Variants in MAP4K3 observed in about 807,000 individuals in gnomAD.
MAP4K3 encodes the protein mitogen-activated protein kinase kinase kinase kinase 3.
Under a neutral mutation model 143.5 loss-of-function variants are expected in MAP4K3, and 94 were observed. The ratio of observed to expected loss-of-function variants is 0.65; its 90% CI spans 0.55 to 0.78. The LOEUF (loss-of-function observed/expected upper bound fraction) is 0.78, where lower values mean the gene tolerates loss of function less well. Among genes scored for constraint, MAP4K3 ranks in the 30% least tolerant of loss-of-function variants. The probability of loss-of-function intolerance (pLI) is 0.00; values close to 1 mark genes in which losing one functional copy is unlikely to be tolerated. For missense variants in MAP4K3, 1,077 were observed against 1,068.1 expected, an observed-to-expected ratio of 1.01 and a Z score of -0.12; for synonymous variants, 416 against 347.2, an observed-to-expected ratio of 1.20 and a Z score of -2.20.
intron 1 of MAP4K3, among the ~76,000 whole-genome samples, chr2:39,429,535 A>G (rs888627722): frequency 4.6e-5 from 7 of 152,200 alleles, no homozygotes; most frequent in Non-Finnish European, 1.0e-4. Flanking sequence ...TGTGCCAACT[A>G]ATTTCCTCGT....
chr2:39,277,713 G>A (rs1272767520), intron 24 of MAP4K3, among the ~76,000 whole-genome samples: 1 of 151,874 alleles, frequency 6.6e-6, no homozygotes, highest in Non-Finnish European at 1.5e-5. Context: ...TATAGGCACA[G>A]GCCACCATGC....
chr2:39,329,854 T>C (rs1430980744), intron 8 of MAP4K3, among the ~76,000 whole-genome samples: 1 of 151,972 alleles, frequency 6.6e-6, no homozygotes, highest in Non-Finnish European at 1.5e-5. Flanking sequence ...ACAAAAAGAG[T>C]TATGAACCAG....
At chr2:39,391,380 A>AGAG (rs1189083203) in intron 1 of MAP4K3, among the ~76,000 whole-genome samples, 1 of 149,232 alleles carries the variant, frequency 6.7e-6, no homozygotes, top group African/African-American at 2.5e-5. Flanking sequence ...AAAAAAAAAA[A>AGAG]AGAAAGAAAG....
intron 2 of MAP4K3, among the ~76,000 whole-genome samples, chr2:39,361,743 A>C (rs895660487): frequency 6.6e-6 from 1 of 151,232 alleles, no homozygotes; most frequent in African/African-American, 2.4e-5. Context: ...TTATTAAATT[A>C]TCATTTAAAA....
intron 1 of MAP4K3, among the ~76,000 whole-genome samples, chr2:39,422,054 G>A (rs371354871): frequency 7.9e-5 from 12 of 151,180 alleles, no homozygotes; most frequent in African/African-American, 2.9e-4. Flanking sequence ...ACCAACTTGA[G>A]AAGAGGGATT....
At chr2:39,277,630 T>C (rs1029561221) in intron 24 of MAP4K3, among the ~76,000 whole-genome samples, 1 of 151,990 alleles carries the variant, frequency 6.6e-6, no homozygotes, top group Non-Finnish European at 1.5e-5. Context: ...AATGGCGTAA[T>C]CTCGGCTCAC....
chr2:39,322,968 C>T (rs753907667), intron 12 of MAP4K3, among the ~76,000 whole-genome samples: 35 of 152,072 alleles, frequency 2.3e-4, no homozygotes, highest in Non-Finnish European at 4.4e-4. Context: ...CTGAGCCCAC[C>T]CTTATTTTTA....
At chr2:39,290,651 C>A (rs956372184) in intron 18 of MAP4K3, among the ~76,000 whole-genome samples, 1 of 151,736 alleles carries the variant, frequency 6.6e-6, no homozygotes, top group African/African-American at 2.4e-5. Flanking sequence ...ATACTAGGAA[C>A]TGGGAAGGGC....
chr2:39,307,395 T>C (rs1573126115), intron 15 of MAP4K3, among the ~76,000 whole-genome samples: 1 of 152,088 alleles, frequency 6.6e-6, no homozygotes, highest in East Asian at 1.9e-4. Flanking sequence ...AAACCAGACA[T>C]GATAGTAATG....
intron 1 of MAP4K3, among the ~76,000 whole-genome samples, chr2:39,378,366 A>C (rs1666275323): frequency 6.6e-6 from 1 of 152,202 alleles, no homozygotes; most frequent in African/African-American, 2.4e-5. Context: ...TGTGCCAGGC[A>C]CTATTCTAAA....
intron 21 of MAP4K3, among the ~76,000 whole-genome samples, 154 bp from the exon 22 acceptor site, chr2:39,282,708 T>C (rs1422108032): frequency 1.3e-5 from 2 of 152,242 alleles, no homozygotes; most frequent in East Asian, 1.9e-4. Flanking sequence ...CATAATTCTT[T>C]CACAATGCAC....
intron 2 of MAP4K3, among the ~76,000 whole-genome samples, chr2:39,358,986 T>G (rs1238237509): frequency 6.6e-6 from 1 of 152,108 alleles, no homozygotes; most frequent in Non-Finnish European, 1.5e-5. Context: ...CAAGTCACAA[T>G]CATGTCTTTC....
chr2:39,341,693 A>C (rs1019567945), intron 4 of MAP4K3, among the ~76,000 whole-genome samples: 2 of 151,980 alleles, frequency 1.3e-5, no homozygotes, highest in African/African-American at 4.8e-5. Context: ...AAATTAAACC[A>C]ATTAGTAAGG....
intron 1 of MAP4K3, among the ~76,000 whole-genome samples, chr2:39,435,674 A>G (rs937855847): frequency 4.6e-5 from 7 of 152,244 alleles, no homozygotes; most frequent in African/African-American, 1.7e-4. Flanking sequence ...AAAAAAATAG[A>G]AACACTTAGG....
At chr2:39,427,770 G>A (rs1271774987) in intron 1 of MAP4K3, among the ~76,000 whole-genome samples, 1 of 152,128 alleles carries the variant, frequency 6.6e-6, no homozygotes, top group East Asian at 1.9e-4. Flanking sequence ...AGAAAAGAGT[G>A]GCCCTAATGA....
chr2:39,321,439 G>A (rs1683297168), intron 12 of MAP4K3, among the ~76,000 whole-genome samples: 1 of 152,176 alleles, frequency 6.6e-6, no homozygotes, highest in Admixed American at 6.5e-5. Flanking sequence ...CAAGTACCCA[G>A]GGACACAAAC....
At chr2:39,365,812 G>C (rs1665907347) in intron 2 of MAP4K3, among the ~76,000 whole-genome samples, 1 of 152,120 alleles carries the variant, frequency 6.6e-6, no homozygotes. Flanking sequence ...AAATCAACAA[G>C]GTTTCTCATG....
At chr2:39,370,416 G>A (rs1291084223) in intron 2 of MAP4K3, among the ~76,000 whole-genome samples, 1 of 152,166 alleles carries the variant, frequency 6.6e-6, no homozygotes, top group Non-Finnish European at 1.5e-5. Context: ...AAAGGCACCA[G>A]ATAAATCATA....
chr2:39,354,673 C>CA (rs138082520), intron 3 of MAP4K3, among the ~76,000 whole-genome samples: 177 of 143,064 alleles, frequency 1.2e-3, no homozygotes, highest in Middle Eastern at 7.2e-3. Context: ...AACAAACAAA[C>CA]AAAAAAAAAA....
Sources: gnomAD v4.1 joint callset for allele counts (sites outside exome capture counted in the v4.1 genomes callset) on GRCh38, gnomAD v4.1.1 for gene constraint, MANE v1.5 for transcripts, NCBI Gene and HGNC (gene_info 2026-07-23, HGNC 2026-07-21) for gene names.